IL34: variants seen among roughly 807,000 people sequenced by gnomAD.
IL34 encodes the protein interleukin-34.
A neutral mutation model predicts 25.3 loss-of-function variants in IL34; 17 were observed. That is an observed-to-expected ratio of 0.67 (90% CI 0.46 to 1.01). The LOEUF (loss-of-function observed/expected upper bound fraction) is 1.01. IL34 is among the 50% of genes least tolerant of loss of function. The pLI is 0.00. For synonymous variants in IL34, 174 were observed against 140.9 expected (o/e 1.23, Z -1.66); for missense variants, 368 against 312.9 (o/e 1.18, Z -1.33).
chr16:70,656,574 C>T (rs769503801), intron 2 of IL34, 28 bp from the exon 3 acceptor site: 6 of 983,340 alleles, frequency 6.1e-6, no homozygotes, highest in South Asian at 1.3e-5. Context: ...TACTTCTGGC[C>T]TCATAGTTTG....
chr16:70,636,949 G>A (rs8061445), intron 1 of IL34, among the ~76,000 whole-genome samples: 2,407 of 151,024 alleles, frequency 0.016, 64 homozygotes, highest in African/African-American at 0.056. Context: ...GCGTAATCTC[G>A]GCTCACTGCA....
chr16:70,648,079 G>A (rs1175532781), intron 1 of IL34, among the ~76,000 whole-genome samples: 1 of 152,218 alleles, frequency 6.6e-6, no homozygotes, highest in Non-Finnish European at 1.5e-5. Flanking sequence ...TGAGAGCCAA[G>A]CAAAGTGTGC....
At chr16:70,630,218 T>C (rs1420615520) in intron 1 of IL34, among the ~76,000 whole-genome samples, 1 of 152,182 alleles carries the variant, frequency 6.6e-6, no homozygotes, top group Non-Finnish European at 1.5e-5. Flanking sequence ...TCTGTATATG[T>C]TCTACATTTT....
At chr16:70,628,890 T>G (rs971256557) in intron 1 of IL34, among the ~76,000 whole-genome samples, 10 of 149,724 alleles carry the variant, frequency 6.7e-5, no homozygotes, top group Admixed American at 1.4e-4. Flanking sequence ...TGGGTTCAAA[T>G]GATCCTTCCA....
chr16:70,621,309 G>A (rs1447114394), intron 1 of IL34, among the ~76,000 whole-genome samples: 2 of 152,160 alleles, frequency 1.3e-5, no homozygotes, highest in Admixed American at 6.5e-5. Context: ...ACTGGCACCG[G>A]AGTTTTGGGT....
upstream of IL34, among the ~76,000 whole-genome samples, chr16:70,642,153 G>A (rs562529372): frequency 2.6e-5 from 4 of 152,230 alleles, no homozygotes; most frequent in South Asian, 2.1e-4. Flanking sequence ...ATTGATTTCC[G>A]GTGAGGGCTC....
intron 1 of IL34, among the ~76,000 whole-genome samples, chr16:70,611,908 G>A (rs971728579): frequency 2.0e-5 from 3 of 152,100 alleles, no homozygotes; most frequent in Non-Finnish European, 2.9e-5. Context: ...CCAGCTCTTC[G>A]GGAGGAGCAG....
At chr16:70,651,719 G>A (rs972579432) in intron 1 of IL34, among the ~76,000 whole-genome samples, 7 of 151,918 alleles carry the variant, frequency 4.6e-5, no homozygotes, top group Non-Finnish European at 7.4e-5. Context: ...CTCATAGCTG[G>A]GGGTGGCTCA....
At chr16:70,610,979 TTTG>T (rs10636466) in intron 1 of IL34, among the ~76,000 whole-genome samples, 8 of 151,620 alleles carry the variant, frequency 5.3e-5, no homozygotes, top group Non-Finnish European at 1.0e-4. Flanking sequence ...CTTTCTTCTT[TTTG>T]TTGTTGTTTG....
chr16:70,654,152 G>C (rs1050746186), intron 1 of IL34: 2 of 165,068 alleles, frequency 1.2e-5, no homozygotes, highest in African/African-American at 4.8e-5. Context: ...TGAATGCCGG[G>C]CTGGAAAACC....
At chr16:70,616,630 G>C (rs1032458700) in intron 1 of IL34, among the ~76,000 whole-genome samples, 2 of 152,154 alleles carry the variant, frequency 1.3e-5, no homozygotes, top group South Asian at 2.1e-4. Flanking sequence ...TATAGGTTTT[G>C]GGATAGGCGG....
chr16:70,659,019 G>A (rs528763634), intron 4 of IL34, among the ~76,000 whole-genome samples: 1 of 152,164 alleles, frequency 6.6e-6, no homozygotes, highest in African/African-American at 2.4e-5. Flanking sequence ...TTGCCTTGTT[G>A]TCACCCCCTT....
At chr16:70,638,057 A>G (rs1181977361) in intron 1 of IL34, among the ~76,000 whole-genome samples, 2 of 152,070 alleles carry the variant, frequency 1.3e-5, no homozygotes, top group African/African-American at 4.8e-5. Context: ...TTTAGAGTAT[A>G]TTTCTGGGTC....
At chr16:70,609,549 GC>G (rs141936400) in intron 1 of IL34, among the ~76,000 whole-genome samples, 7,415 of 152,222 alleles carry the variant, frequency 0.049, 247 homozygotes, top group Non-Finnish European at 0.067. Context: ...CAAGCAACAA[GC>G]AAGTGCGTAC....
At chr16:70,583,986 C>T (rs1318491231) in intron 1 of IL34, among the ~76,000 whole-genome samples, 5 of 152,144 alleles carry the variant, frequency 3.3e-5, no homozygotes, top group Non-Finnish European at 7.4e-5. Flanking sequence ...TCTTTCCTTC[C>T]AGGGTTCTGT....
chr16:70,647,483 A>G (rs184640907), intron 1 of IL34, among the ~76,000 whole-genome samples: 1 of 152,222 alleles, frequency 6.6e-6, no homozygotes, highest in South Asian at 2.1e-4. Flanking sequence ...TGTTGGTAAA[A>G]AGAAAAATAA....
intron 1 of IL34, among the ~76,000 whole-genome samples, chr16:70,620,864 G>A (rs2151837157): frequency 6.6e-6 from 1 of 152,210 alleles, no homozygotes; most frequent in Non-Finnish European, 1.5e-5. Flanking sequence ...GAGGTTTTAA[G>A]TTTTTGAGAA....
intron 1 of IL34, among the ~76,000 whole-genome samples, chr16:70,597,224 C>CG (rs1041539014): frequency 1.2e-4 from 17 of 144,932 alleles, no homozygotes; most frequent in African/African-American, 4.0e-4. Context: ...AGTTTTTTAG[C>CG]TTTTTTTTTT....
chr16:70,657,469 G>C lies in IL34; in HGVS notation c.402+348G>C, dbSNP rs984700126. On this transcript the variant is annotated intron_variant, in intron 4 of 5. Coordinates refer to ENST00000288098, the MANE Select transcript of IL34 (RefSeq NM_001393494.1). ...TGGGGTAGGGGGAGAGGGGAAGAAT[G>C]GATGGAGCACAGGGAATGTTTAGGG... 124 of 245,762 alleles carry C rather than the reference G, an allele frequency of 5.0e-4. 1 individual carries two copies. The highest frequency in any genetic ancestry group is 8.2e-4 in the Non-Finnish European group (104 of 126,564). The allele number at this position is 245,762 out of a possible 1,614,324, so 15.2% of individuals were successfully genotyped here. A position where few individuals can be genotyped will look rare whatever the true frequency, so the allele number is the denominator to read the frequency against.
Sources: gnomAD v4.1 joint callset for allele counts (sites outside exome capture counted in the v4.1 genomes callset) on GRCh38, gnomAD v4.1.1 for gene constraint, MANE v1.5 for transcripts, NCBI Gene and HGNC (gene_info 2026-07-23, HGNC 2026-07-21) for gene names.